PCDHGA9: variants seen among roughly 807,000 people sequenced by gnomAD.
The protein encoded by PCDHGA9 is protocadherin gamma subfamily A, 9.
Under a neutral mutation model 62.5 loss-of-function variants are expected in PCDHGA9, and 37 were observed. The observed-to-expected ratio is 0.59, with a 90% CI of 0.46 to 0.78. The LOEUF is 0.78. Among genes scored for constraint, PCDHGA9 ranks in the 30% least tolerant of loss-of-function variants. The probability of loss-of-function intolerance (pLI) is 0.00; values close to 1 mark genes in which losing one functional copy is unlikely to be tolerated. For synonymous variants in PCDHGA9, 459 were observed against 484.6 expected (o/e 0.95, Z 0.69); for missense variants, 1,138 against 1,166.2 (o/e 0.98, Z 0.35).
chr5:141,415,740 G>GTTTTTTTTTTTTTTTTTTTTTTTTTT, intron 1 of PCDHGA9: 11 of 617,992 alleles, frequency 1.8e-5, no homozygotes, highest in Middle Eastern at 5.6e-4. Context: ...GTTTATTAAG[G>GTTTTTTTTTTTTTTTTTTTTTTTTTT]TTTTTTTTTT....
chr5:141,429,741 C>T (rs2097240604), intron 1 of PCDHGA9, among the ~76,000 whole-genome samples: 1 of 152,106 alleles, frequency 6.6e-6, no homozygotes, highest in Admixed American at 6.5e-5. Flanking sequence ...CCAGTTATTT[C>T]TTAGGGAGAA....
At position 141,476,015 on chromosome 5, in the gene PCDHGA9, C is replaced by A; in HGVS notation, c.2425-18792C>A. The A allele has an allele frequency of 7.4e-7, 1 of 1,344,728 alleles. No individual in the cohort carries two copies. The highest frequency in any genetic ancestry group is 1.0e-6 in the Non-Finnish European group (1 of 992,700). The allele number at this position is 1,344,728 out of a possible 1,614,324, so 83.3% of individuals were successfully genotyped here. A position where few individuals can be genotyped will look rare whatever the true frequency, so the allele number is the denominator to read the frequency against. ...ATCAACGGCATCCAGAAAGCCATGT[C>A]GGACTCGGCGCCCAGCGCCCAAGCG... On this transcript the variant is annotated intron_variant, in intron 1 of 3. Coordinates refer to ENST00000573521, the MANE Select transcript of PCDHGA9 (RefSeq NM_018921.3). This position sits in a 1 kb window ranked among gnomAD's most constrained non-coding sequence, Gnocchi z 7.6.
At chr5:141,466,689 A>G (rs2099127361) in intron 1 of PCDHGA9, among the ~76,000 whole-genome samples, 1 of 152,220 alleles carries the variant, frequency 6.6e-6, no homozygotes, top group Admixed American at 6.5e-5. Context: ...CTCAAGCTTC[A>G]TCATAAATTT....
In PCDHGA9 at chr5:141,428,425, T is replaced by A. The variant is rs1193842204; in HGVS notation, c.2424+23049T>A. ...GGGTTGCTTTCACCCTGGTCTCTGT[T>A]CTAAGACTAGACCAGGGGTTTTTCC... On this transcript the variant is annotated intron_variant, in intron 1 of 3. Transcript: ENST00000573521. 4 of 436,598 alleles carry A rather than the reference T, an allele frequency of 9.2e-6. No homozygotes were observed. In the East Asian group the frequency reaches 1.9e-4, roughly 21 times the overall value. 27.0% of individuals were successfully genotyped at this position (436,598 alleles called of 1,614,324 possible). A position where few individuals can be genotyped will look rare whatever the true frequency, so the allele number is the denominator to read the frequency against.
chr5:141,421,953 G>A lies in PCDHGA9; in HGVS notation c.2424+16577G>A, dbSNP rs193141134. On this transcript the variant is annotated intron_variant, in intron 1 of 3. Coordinates refer to ENST00000573521, the MANE Select transcript of PCDHGA9 (RefSeq NM_018921.3). ...TCGATGTAAATGATCACATCCCAATGTTTACACAGTCCGTATATCGCGTGA... is the reference window on the plus strand; with the variant it reads ...TCGATGTAAATGATCACATCCCAATATTTACACAGTCCGTATATCGCGTGA... 1.8e-4 allele frequency: 295 copies of A among 1,612,962 alleles called. 5 individuals are homozygous for A. In the East Asian group the frequency reaches 4.0e-3, roughly 22 times the overall value.
intron 3 of PCDHGA9, among the ~76,000 whole-genome samples, chr5:141,509,636 C>T (rs1199892148): frequency 6.6e-6 from 1 of 152,164 alleles, no homozygotes; most frequent in Non-Finnish European, 1.5e-5. Context: ...TGATGCTGAG[C>T]CAGGGCCAGA....
chr5:141,495,109 C>A (rs1445945970), intron 2 of PCDHGA9, among the ~76,000 whole-genome samples: 3 of 152,278 alleles, frequency 2.0e-5, no homozygotes, highest in South Asian at 2.1e-4. Context: ...CGACCGGCAC[C>A]TTTTCCTATC....
rs757103755 is a variant in PCDHGA9 at position 141,404,350 on chromosome 5, C to T, written c.1398C>T (p.Ala466=). Residue 466 remains alanine (A), a synonymous_variant, in exon 1 of 4, where the codon GCC becomes GCT. Coordinates refer to ENST00000573521, the MANE Select transcript of PCDHGA9 (RefSeq NM_018921.3). ...SYSVYLPENN[A]RGTSIFSVIA... is the part of the protein sequence containing the mutation. ...CAGTCTACCTCCCGGAAAACAACGC[C>T]AGAGGTACTTCCATCTTCTCCGTGA... 6.2e-7 allele frequency: 1 copy of T among 1,613,894 alleles called. No homozygotes were observed. The highest frequency in any genetic ancestry group is 8.5e-7 in the Non-Finnish European group (1 of 1,179,818).
chr5:141,454,796 ATTTTTT>A (rs61612330), intron 1 of PCDHGA9, among the ~76,000 whole-genome samples: 41 of 77,454 alleles, frequency 5.3e-4, no homozygotes, highest in African/African-American at 1.7e-3. Context: ...CATGGTTCTA[ATTTTTT>A]TTTTTTTTTT....
Position 141,404,227 on chromosome 5 carries a change from A to G in PCDHGA9, c.1275A>G (p.Thr425=). 3 of 1,613,818 alleles carry G rather than the reference A, an allele frequency of 1.9e-6. No homozygotes were observed. The highest frequency in any genetic ancestry group is 2.2e-5 in the East Asian group (1 of 44,880). The change falls in exon 1 of 4, where the codon ACA becomes ACG. Residue 425 remains threonine, a synonymous_variant. Transcript: ENST00000573521. ...ASEYNITVTA[T]DRGTPPLSTE... is the part of the protein sequence containing the mutation. The stretch of plus-strand genomic sequence containing the variant: ...AATATAATATCACGGTGACTGCAAC[A>G]GACAGAGGAACTCCGCCCCTGTCCA...
intron 1 of PCDHGA9, chr5:141,412,149 C>G (rs1369304212): frequency 2.0e-5 from 3 of 152,146 alleles, no homozygotes; most frequent in African/African-American, 7.2e-5. Flanking sequence ...TACAAACTGC[C>G]TAAGAGAAGA....
chr5:141,482,071 A>G (rs2099551527), intron 1 of PCDHGA9, among the ~76,000 whole-genome samples: 1 of 145,394 alleles, frequency 6.9e-6, no homozygotes, highest in Non-Finnish European at 1.5e-5. Flanking sequence ...GGCAACAAGA[A>G]CAAAACTCAC....
intron 1 of PCDHGA9, among the ~76,000 whole-genome samples, chr5:141,482,488 G>C (rs1401943298): frequency 7.7e-6 from 1 of 130,410 alleles, no homozygotes; most frequent in African/African-American, 3.1e-5. Context: ...ACAATTAAAA[G>C]TTATCATTCT....
chr5:141,491,964 C>T lies in PCDHGA9; in HGVS notation c.2425-2843C>T, dbSNP rs1382490003. 2.1e-6 allele frequency: 2 copies of T among 943,836 alleles called. No individual in the cohort carries two copies. The highest frequency in any genetic ancestry group is 3.0e-6 in the Non-Finnish European group (2 of 671,104). 58.5% of individuals were successfully genotyped at this position (943,836 alleles called of 1,614,324 possible). On this transcript the variant is annotated intron_variant, in intron 1 of 3. Transcript: ENST00000573521. The surrounding 1 kb of genome is among the most constrained non-coding windows in gnomAD (Gnocchi z 6.9). ...CCCCACCCCTACACTCAAAAAAGGC[C>T]GGGGCCTCCTTCGAGCTTCCGGTGA...
At position 141,432,232 on chromosome 5, in the gene PCDHGA9, G is replaced by A. The variant is rs766929605; in HGVS notation, c.2424+26856G>A. Reference sequence around the variant, plus strand: ...AGAACGCCCAGATCACTTATTCCCTGGCTGAGAACACCATCCAAGGGGCAA... The same window carrying A: ...AGAACGCCCAGATCACTTATTCCCTAGCTGAGAACACCATCCAAGGGGCAA... On this transcript the variant is annotated intron_variant, in intron 1 of 3. Coordinates refer to ENST00000573521, the MANE Select transcript of PCDHGA9 (RefSeq NM_018921.3). The surrounding 1 kb of genome is among the most constrained non-coding windows in gnomAD (Gnocchi z 6.0). The A allele has an allele frequency of 6.2e-7, 1 of 1,614,188 alleles. No homozygotes were observed. The highest frequency in any genetic ancestry group is 1.6e-4 in the Middle Eastern group (1 of 6,062).
At chr5:141,471,942 A>G (rs1163887457) in intron 1 of PCDHGA9, among the ~76,000 whole-genome samples, 1 of 152,192 alleles carries the variant, frequency 6.6e-6, no homozygotes, top group Non-Finnish European at 1.5e-5. Flanking sequence ...AGAGTTTTCT[A>G]AAACTGGATT....
chr5:141,423,026 G>T (rs1333695085), intron 1 of PCDHGA9: 1 of 1,614,210 alleles, frequency 6.2e-7, no homozygotes, highest in Admixed American at 1.7e-5. Context: ...AAAGATTCAG[G>T]CCAGAACGCC....
In PCDHGA9 at chr5:141,414,479, C is replaced by G. The variant is rs752879517; in HGVS notation, c.2424+9103C>G. The G allele has an allele frequency of 3.1e-6, 5 of 1,613,906 alleles. No homozygotes were observed. The highest frequency in any genetic ancestry group is 1.3e-5 in the African/African-American group (1 of 75,040). Reference sequence around the variant, plus strand: ...ACAGCCACAGATGGGGGAAGTCCTCCTCTATCAACGGAAGCTCACTTTATG... The same window carrying G: ...ACAGCCACAGATGGGGGAAGTCCTCGTCTATCAACGGAAGCTCACTTTATG... On this transcript the variant is annotated intron_variant, in intron 1 of 3. Coordinates refer to ENST00000573521, the MANE Select transcript of PCDHGA9 (RefSeq NM_018921.3).
At position 141,486,484 on chromosome 5, in the gene PCDHGA9, C is replaced by G. The variant is rs200150307; in HGVS notation, c.2425-8323C>G. ...ATGCTGGGAACCCTCCTCTCAGTAC[C>G]CACAGAACTATTTTCCTCAATATTT... On this transcript the variant is annotated intron_variant, in intron 1 of 3. Transcript: ENST00000573521. The surrounding 1 kb of genome is among the most constrained non-coding windows in gnomAD (Gnocchi z 5.0). The G allele has an allele frequency of 2.8e-5, 45 of 1,614,102 alleles. No homozygotes were observed. In the Admixed American group the frequency reaches 5.5e-4, roughly 20 times the overall value.
Sources: allele counts gnomAD v4.1 joint callset (sites outside exome capture counted in the v4.1 genomes callset), GRCh38; gene constraint gnomAD v4.1.1; non-coding constraint Gnocchi (gnomAD v3.1); transcripts MANE v1.5; gene names NCBI Gene and HGNC (gene_info 2026-07-23, HGNC 2026-07-21).